Variants in GPRC5C observed in about 807,000 individuals in gnomAD.
The protein encoded by GPRC5C is G protein-coupled receptor family C group 5 member C.
GPRC5C carries 22 observed loss-of-function variants against 31.4 expected under a neutral mutation model. The ratio of observed to expected loss-of-function variants is 0.70; its 90% CI spans 0.50 to 1.00. The LOEUF is 1.00. GPRC5C is among the 50% of genes least tolerant of loss of function. The pLI is 0.00. For synonymous variants in GPRC5C, 249 were observed against 257.5 expected, an observed-to-expected ratio of 0.97 and a Z score of 0.32; for missense variants, 557 against 597.2, an observed-to-expected ratio of 0.93 and a Z score of 0.70.
chr17:74,438,223 A>ATATATATG (rs1262568436), intron 1 of GPRC5C, among the ~76,000 whole-genome samples: 3 of 108,446 alleles, frequency 2.8e-5, no homozygotes, highest in African/African-American at 1.6e-4. Context: ...ATATATATAT[A>ATATATATG]TATATATATA....
At chr17:74,441,161 C>T (rs1362693840) in intron 2 of GPRC5C, among the ~76,000 whole-genome samples, 1 of 152,006 alleles carries the variant, frequency 6.6e-6, no homozygotes, top group East Asian at 1.9e-4. Context: ...CCTGTGATCT[C>T]AGCTACTCGG....
At chr17:74,439,320 G>A (rs2055489523) in intron 1 of GPRC5C, among the ~76,000 whole-genome samples, 1 of 152,156 alleles carries the variant, frequency 6.6e-6, no homozygotes. Flanking sequence ...GGAGTTTAGG[G>A]GCATAGCAGC....
Position 74,443,928 on chromosome 17 carries a change from A to G in GPRC5C, c.1146+16A>G. The G allele has an allele frequency of 6.4e-7, 1 of 1,553,320 alleles. No homozygotes were observed. Among genetic ancestry groups the G allele is most frequent in the East Asian group, 2.2e-5 (1 of 44,564 alleles). On this transcript the variant is annotated intron_variant, in intron 3 of 3. Coordinates refer to ENST00000392627, the MANE Select transcript of GPRC5C (RefSeq NM_022036.4). ...CAAAGTTCCGGTAAGTGGGTTCCCCAGGTCCCCGTGACACGTCTGGGCTAC... is the reference window on the plus strand; with the variant it reads ...CAAAGTTCCGGTAAGTGGGTTCCCCGGGTCCCCGTGACACGTCTGGGCTAC...
chr17:74,441,560 C>T (rs1272094617), intron 2 of GPRC5C, among the ~76,000 whole-genome samples: 3 of 152,190 alleles, frequency 2.0e-5, no homozygotes, highest in East Asian at 1.9e-4. Context: ...CGCCATGGCT[C>T]ACACCTGTAA....
At chr17:74,437,063 C>A (rs1459201832) in intron 1 of GPRC5C, among the ~76,000 whole-genome samples, 1 of 152,146 alleles carries the variant, frequency 6.6e-6, no homozygotes, top group Non-Finnish European at 1.5e-5. Flanking sequence ...TCTGCCTCAG[C>A]CTCCTGAGTA....
downstream of GPRC5C, chr17:74,449,224 C>T (rs1394930260): frequency 4.2e-6 from 2 of 475,968 alleles, no homozygotes; most frequent in Admixed American, 3.3e-5. Flanking sequence ...CTTCTATGCT[C>T]AGATTGCATT....
intron 2 of GPRC5C, chr17:74,443,141 C>T (rs547307033): frequency 5.4e-5 from 9 of 168,040 alleles, no homozygotes; most frequent in East Asian, 3.8e-4. Context: ...CGGGGTGCGT[C>T]AGCAGCCCTC....
At chr17:74,441,640 T>C (rs2055541840) in intron 2 of GPRC5C, among the ~76,000 whole-genome samples, 1 of 152,086 alleles carries the variant, frequency 6.6e-6, no homozygotes. Context: ...CTGGACAACA[T>C]AGTGAGGCCC....
At chr17:74,448,285 A>G (rs1567966564), downstream of GPRC5C, among the ~76,000 whole-genome samples, 1 of 152,204 alleles carries the variant, frequency 6.6e-6, no homozygotes, top group Non-Finnish European at 1.5e-5. Flanking sequence ...TGGGCAACAG[A>G]GCGAGACTCT....
At position 74,447,212 on chromosome 17, in the gene GPRC5C, A is replaced by G; in HGVS notation, c.*184A>G. Reference sequence around the variant, plus strand: ...TCATGGGTGTCCCCACCCACTCCTCAGTGTTTGTGGAGTCGAGGAGCCAAC... The same window carrying G: ...TCATGGGTGTCCCCACCCACTCCTCGGTGTTTGTGGAGTCGAGGAGCCAAC... On this transcript the variant is annotated 3_prime_UTR_variant, in exon 4 of 4. Coordinates refer to ENST00000392627, the MANE Select transcript of GPRC5C (RefSeq NM_022036.4). The G allele has an allele frequency of 7.3e-7, 1 of 1,375,008 alleles. No homozygotes were observed. The highest frequency in any genetic ancestry group is 1.7e-5 in the South Asian group (1 of 58,898). 85.2% of individuals were successfully genotyped at this position (1,375,008 alleles called of 1,614,324 possible).
In GPRC5C at chr17:74,440,349, CA is replaced by C. The variant is rs1210601801; in HGVS notation, c.574del (p.Ser192AlafsTer112). The C allele has an allele frequency of 1.9e-5, 30 of 1,614,168 alleles. No homozygotes were observed. Among genetic ancestry groups the C allele is most frequent in the Non-Finnish European group, 2.5e-5 (30 of 1,180,026 alleles). On this transcript the variant is annotated frameshift_variant, in exon 2 of 4. Coordinates refer to ENST00000392627, the MANE Select transcript of GPRC5C (RefSeq NM_022036.4). LOFTEE classifies it high-confidence loss of function. This position sits in a 1 kb window ranked among gnomAD's most constrained non-coding sequence, Gnocchi z 4.4. ...GTGGCGAGGGCGGCCCTCAGGGCAA[CA>C]GCAGCGCAGGCTGGGCCGTGGCCTC... Reference protein sequence around the residue: ...GSGEGGPQGNSSAGWAVASPC... With the variant: ...GSGEGGPQGNXSAGWAVASPC...
downstream of GPRC5C, chr17:74,449,945 G>C (rs774056633): frequency 6.6e-6 from 1 of 152,652 alleles, no homozygotes; most frequent in Non-Finnish European, 1.5e-5. Context: ...AGCTCAGCCC[G>C]AGGCTTGGGC....
Position 74,439,782 on chromosome 17 carries a change from C to T in GPRC5C, c.6C>T (p.Ala2=), listed in dbSNP as rs746520676. The change falls in exon 2 of 4, where the codon GCC becomes GCT. Residue 2 remains alanine (A), a synonymous_variant. Transcript: ENST00000392627. M[A]IHKALVMCLG... is the part of the protein sequence containing the mutation. ...AGCCTGGCCTGGGAGCCAGGATGGC[C>T]ATCCACAAAGCCTTGGTGATGTGCC... 1 of 1,610,260 alleles carries T rather than the reference C, an allele frequency of 6.2e-7. No individual in the cohort carries two copies. The highest frequency in any genetic ancestry group is 1.1e-5 in the South Asian group (1 of 90,980).
intron 1 of GPRC5C, 137 bp from the exon 2 acceptor site, chr17:74,439,608 A>C: frequency 1.3e-6 from 1 of 773,062 alleles, no homozygotes; most frequent in Non-Finnish European, 2.1e-6. Context: ...TATGTTAAGA[A>C]GGATTCTGAG....
chr17:74,444,548 T>C (rs551977533), intron 3 of GPRC5C, among the ~76,000 whole-genome samples: 2 of 152,204 alleles, frequency 1.3e-5, no homozygotes, highest in South Asian at 4.2e-4. Flanking sequence ...CAGTGACCCG[T>C]CTTGGCAGGA....
intron 2 of GPRC5C, among the ~76,000 whole-genome samples, chr17:74,442,747 G>A (rs1230441436): frequency 6.6e-6 from 1 of 152,158 alleles, no homozygotes; most frequent in African/African-American, 2.4e-5. Flanking sequence ...TTGTCCTGCC[G>A]GGCACTTGAT....
At chr17:74,443,442 C>T (rs918706002) in intron 2 of GPRC5C, 20 of 378,652 alleles carry the variant, frequency 5.3e-5, no homozygotes, top group Non-Finnish European at 1.0e-4. Flanking sequence ...TGGAGGCTGG[C>T]CATCTTGGAA....
chr17:74,444,632 G>A (rs1050552568), intron 3 of GPRC5C, among the ~76,000 whole-genome samples: 8 of 152,140 alleles, frequency 5.3e-5, no homozygotes, highest in South Asian at 2.1e-4. Flanking sequence ...TGTGAGAGCC[G>A]CGGGGCAGGG....
At chr17:74,448,320 G>T (rs1413712352), downstream of GPRC5C, among the ~76,000 whole-genome samples, 4 of 152,090 alleles carry the variant, frequency 2.6e-5, no homozygotes, top group Non-Finnish European at 5.9e-5. Context: ...AAGTCAGTTT[G>T]TTCGGTACTT....
Sources: gnomAD v4.1 joint callset for allele counts (sites outside exome capture counted in the v4.1 genomes callset) on GRCh38, gnomAD v4.1.1 for gene constraint, Gnocchi (gnomAD v3.1) non-coding constraint, MANE v1.5 for transcripts, NCBI Gene and HGNC (gene_info 2026-07-23, HGNC 2026-07-21) for gene names.